Variants in FRMPD4 observed in about 807,000 individuals in gnomAD.
FRMPD4 encodes FERM and PDZ domain containing 4, also known as FERM and PDZ domain-containing protein 4.
Under a neutral mutation model 94.1 loss-of-function variants are expected in FRMPD4, and 22 were observed. That is an observed-to-expected ratio of 0.23 (90% CI 0.17 to 0.33). The LOEUF is 0.33. Ranked by LOEUF, FRMPD4 falls within the 10% of genes least tolerant of loss-of-function variation. The probability of loss-of-function intolerance (pLI) is 1.00; values close to 1 mark genes in which losing one functional copy is unlikely to be tolerated. For missense variants in FRMPD4, 1,111 were observed against 1,339.9 expected, an observed-to-expected ratio of 0.83 and a Z score of 2.67; for synonymous variants, 631 against 548.6, an observed-to-expected ratio of 1.15 and a Z score of -2.10.
chrX:12,686,057 T>G lies in FRMPD4; in HGVS notation c.574-40T>G, dbSNP rs144146306. 90 of 635,224 alleles carry G rather than the reference T, an allele frequency of 1.4e-4. No homozygotes were observed. In the African/African-American group the frequency reaches 1.9e-3, roughly 13 times the overall value. The allele number at this position is 635,224 out of a possible 1,213,427, so 52.3% of individuals were successfully genotyped here. A position where few individuals can be genotyped will look rare whatever the true frequency, so the allele number is the denominator to read the frequency against. On this transcript the variant is annotated intron_variant, in intron 6 of 16. Transcript: ENST00000675598. ...GCTACTGCAAAGAGAAGAGTTATAA[T>G]TTGATCAATTTATGCCCTGCCCTTT...
At chrX:12,668,428 GTCAGATAATTTACAAAGCA>G (rs1252037252) in intron 4 of FRMPD4, among the ~76,000 whole-genome samples, 1 of 110,672 alleles carries the variant, frequency 9.0e-6, no homozygotes, top group African/African-American at 3.3e-5. Context: ...TAGATTATGT[GTCAGATAATTTACAAAGCA>G]TTACTATAGC....
At chrX:12,269,218 T>G (rs1450048273) in intron 1 of FRMPD4, among the ~76,000 whole-genome samples, 1 of 111,770 alleles carries the variant, frequency 8.9e-6, no homozygotes, top group Non-Finnish European at 1.9e-5. Flanking sequence ...GAATAAGAGT[T>G]TGGGGAGAAG....
intron 1 of FRMPD4, among the ~76,000 whole-genome samples, chrX:12,487,798 A>G (rs1400940594): frequency 2.7e-5 from 3 of 111,929 alleles, no homozygotes; most frequent in Admixed American, 9.5e-5. Flanking sequence ...ATGGGATACC[A>G]TGGAAATGCA....
At chrX:12,038,231 G>A (rs193019636) in intron 3 of FRMPD4, among the ~76,000 whole-genome samples, 6 of 111,851 alleles carry the variant, frequency 5.4e-5, no homozygotes, top group African/African-American at 1.9e-4. Context: ...AAGTGGCTGC[G>A]TCACCTTGTA....
At chrX:12,347,849 ATGT>A (rs1209246373) in intron 1 of FRMPD4, among the ~76,000 whole-genome samples, 1 of 111,475 alleles carries the variant, frequency 9.0e-6, no homozygotes. Context: ...GTTTTTCTAA[ATGT>A]TGTGTTGTAT....
At chrX:12,572,775 C>G (rs2058772011) in intron 2 of FRMPD4, among the ~76,000 whole-genome samples, 1 of 111,934 alleles carries the variant, frequency 8.9e-6, no homozygotes, top group African/African-American at 3.2e-5. Flanking sequence ...ATATGAGAGT[C>G]TAAGAAGAGC....
chrX:12,599,323 A>C (rs937668177), intron 2 of FRMPD4, among the ~76,000 whole-genome samples: 12 of 111,495 alleles, frequency 1.1e-4, no homozygotes, highest in African/African-American at 3.9e-4. Context: ...AAAACATATG[A>C]GTAATCAATT....
chrX:11,987,097 T>TCAAAA (rs1569137639), intron 3 of FRMPD4, among the ~76,000 whole-genome samples: 25 of 14,647 alleles, frequency 1.7e-3, no homozygotes, highest in African/African-American at 0.012. Context: ...CAAAGACACA[T>TCAAAA]TAAAAAAAAA....
intron 2 of FRMPD4, among the ~76,000 whole-genome samples, chrX:12,603,743 G>A (rs2059105052): frequency 2.7e-5 from 3 of 109,755 alleles, no homozygotes; most frequent in Non-Finnish European, 5.7e-5. Context: ...ACTGACGCAC[G>A]TTCAGCAGGT....
intron 1 of FRMPD4, among the ~76,000 whole-genome samples, chrX:12,312,614 C>G (rs2055053544): frequency 9.0e-6 from 1 of 111,127 alleles, no homozygotes; most frequent in Non-Finnish European, 1.9e-5. Context: ...TTGTTTGTTT[C>G]CACTTGTTCA....
intron 1 of FRMPD4, among the ~76,000 whole-genome samples, chrX:12,496,931 G>A (rs891191668): frequency 1.5e-4 from 17 of 111,394 alleles, no homozygotes; most frequent in Non-Finnish European, 3.0e-4. Context: ...TACTGTACAG[G>A]AAAATGTAGT....
intron 2 of FRMPD4, among the ~76,000 whole-genome samples, chrX:12,542,887 A>T (rs1012401239): frequency 1.8e-5 from 2 of 112,282 alleles, no homozygotes; most frequent in African/African-American, 6.5e-5. Context: ...GTATCTAAAC[A>T]GAGATACAGA....
chrX:12,693,918 C>T (rs1389206055), intron 8 of FRMPD4, among the ~76,000 whole-genome samples: 2 of 111,483 alleles, frequency 1.8e-5, no homozygotes, highest in Non-Finnish European at 3.8e-5. Context: ...AAATGAATGA[C>T]TCATCAGTGC....
chrX:12,414,177 TCCTCATG>T (rs980405214), intron 1 of FRMPD4, among the ~76,000 whole-genome samples: 2 of 112,560 alleles, frequency 1.8e-5, no homozygotes, highest in African/African-American at 6.5e-5. Flanking sequence ...CACATTAATA[TCCTCATG>T]CAGTAAATCA....
At chrX:12,354,254 C>T (rs2055861080) in intron 1 of FRMPD4, among the ~76,000 whole-genome samples, 1 of 112,028 alleles carries the variant, frequency 8.9e-6, no homozygotes, top group Admixed American at 9.5e-5. Flanking sequence ...TTAAAAAAGA[C>T]AGTCTATTCC....
At chrX:12,453,149 G>T (rs1427263553) in intron 1 of FRMPD4, among the ~76,000 whole-genome samples, 1 of 112,200 alleles carries the variant, frequency 8.9e-6, no homozygotes, top group Non-Finnish European at 1.9e-5. Flanking sequence ...TTAAGGTGTT[G>T]TGTTTATCTC....
intron 4 of FRMPD4, among the ~76,000 whole-genome samples, chrX:12,664,483 A>G (rs1418285637): frequency 1.8e-5 from 2 of 111,880 alleles, no homozygotes; most frequent in Admixed American, 1.9e-4. Flanking sequence ...GTCATTGGCT[A>G]TGTTTATATG....
chrX:12,252,054 T>C (rs940154334), intron 1 of FRMPD4, among the ~76,000 whole-genome samples: 19 of 112,444 alleles, frequency 1.7e-4, no homozygotes, highest in Admixed American at 2.8e-4. Context: ...ATCTTAAGTT[T>C]TAAAGGAGCC....
At chrX:11,876,430 G>T (rs1461665965) in intron 2 of FRMPD4, among the ~76,000 whole-genome samples, 1 of 110,098 alleles carries the variant, frequency 9.1e-6, no homozygotes, top group Non-Finnish European at 1.9e-5. Flanking sequence ...ACACAATTGG[G>T]CTCAAGATTT....
Sources: gnomAD v4.1 joint callset for allele counts (sites outside exome capture counted in the v4.1 genomes callset) on GRCh38, gnomAD v4.1.1 for gene constraint, MANE v1.5 for transcripts, NCBI Gene and HGNC (gene_info 2026-07-23, HGNC 2026-07-21) for gene names.